GSDME: variants seen among roughly 807,000 people sequenced by gnomAD.
GSDME encodes gasdermin E.
Under a neutral mutation model 47.5 loss-of-function variants are expected in GSDME, and 44 were observed. That is an observed-to-expected ratio of 0.93 (90% confidence interval 0.73 to 1.19). GSDME has a LOEUF of 1.19. Among genes scored for constraint, GSDME ranks in the 50% most tolerant of loss-of-function variants. The pLI is 0.00. For synonymous variants in GSDME, 258 were observed against 252.8 expected (o/e 1.02, Z -0.20); for missense variants, 663 against 604.2 (o/e 1.10, Z -1.02).
rs186601351 is a variant in GSDME, at chr7:24,733,226, T to G, written c.404+11336A>C. On this transcript the variant is annotated intron_variant, in intron 3 of 9. Transcript: ENST00000645220. The surrounding 1 kb of genome is among the most constrained non-coding windows in gnomAD (Gnocchi z 4.3). ...GATGCAGTTGTGACAGGATTCTTGT[T>G]CTTCTGACTAAAGAGCCCTGGGCCC... 2.0e-5 allele frequency among the ~76,000 whole-genome samples: 3 copies of G among 152,188 alleles called. No individual in the cohort carries two copies. The highest frequency in any genetic ancestry group is 7.2e-5 in the African/African-American group (3 of 41,516).
At position 24,710,353 on chromosome 7, in the gene GSDME, C is replaced by G. The variant is rs778242350; in HGVS notation, c.733G>C (p.Glu245Gln). 1 of 1,614,230 alleles carries G rather than the reference C, an allele frequency of 6.2e-7. No individual in the cohort carries two copies. The highest frequency in any genetic ancestry group is 8.5e-7 in the Non-Finnish European group (1 of 1,180,048). The stretch of plus-strand genomic sequence containing the variant: ...ACAGAGTCAATTCTCTTCTTGTTCT[C>G]GAAGCCACCTTGCTTCCCTCGGAGA... ...CLLRGKQGGF[E>Q]NKKRIDSVYL... The change falls in exon 6 of 10, where the codon GAG becomes CAG. Residue 245 changes from glutamate (E) to glutamine (Q), a missense_variant. Physicochemically the swap from Glu to Gln is conservative, Grantham distance 29. Coordinates refer to ENST00000645220, the MANE Select transcript of GSDME (RefSeq NM_001127453.2).
At position 24,733,839 on chromosome 7, in the gene GSDME, G is replaced by T. The variant is rs756796162; in HGVS notation, c.404+10723C>A. 6.6e-6 allele frequency among the ~76,000 whole-genome samples: 1 copy of T among 152,148 alleles called. No individual in the cohort carries two copies. The highest frequency in any genetic ancestry group is 1.5e-5 in the Non-Finnish European group (1 of 68,020). On this transcript the variant is annotated intron_variant, in intron 3 of 9. Transcript: ENST00000645220. This position sits in a 1 kb window ranked among gnomAD's most constrained non-coding sequence, Gnocchi z 4.3. ...GGACAGCATCTCTGGACCCACCTGG[G>T]GCCCCAGGGAAATCACCTCATGTCT...
At chr7:24,704,597 A>T (rs1382593988) in intron 8 of GSDME, 1 of 152,218 alleles carries the variant, frequency 6.6e-6, no homozygotes, top group Admixed American at 6.5e-5. Flanking sequence ...TTGGTTGAAA[A>T]ATTTAGACAT....
At position 24,744,882 on chromosome 7, in the gene GSDME, G is replaced by A. The variant is rs1415320747; in HGVS notation, c.212-128C>T. ...AAGGCTGGCACTCAGATGGAAAGCC[G>A]GCAGCCATGCTGTGTGTGTGGGCAA... is the stretch of plus-strand genomic sequence containing the variant. On this transcript the variant is annotated intron_variant, in intron 2 of 9. Coordinates refer to ENST00000645220, the MANE Select transcript of GSDME (RefSeq NM_001127453.2). This position sits in a 1 kb window ranked among gnomAD's most constrained non-coding sequence, Gnocchi z 4.5. 1.3e-5 allele frequency: 13 copies of A among 976,740 alleles called. No homozygotes were observed. Among genetic ancestry groups the A allele is most frequent in the Admixed American group, 5.9e-5 (3 of 50,518 alleles). 60.5% of individuals were successfully genotyped at this position (976,740 alleles called of 1,614,324 possible).
chr7:24,743,859 C>G (rs368569316), intron 3 of GSDME, among the ~76,000 whole-genome samples: 1 of 152,188 alleles, frequency 6.6e-6, no homozygotes, highest in Non-Finnish European at 1.5e-5. Context: ...TCACTGCTGC[C>G]GATTCCCATC....
chr7:24,757,240 T>C lies in GSDME; in HGVS notation c.-20+156A>G, dbSNP rs1165566811. Among the ~76,000 whole-genome samples the C allele has an allele frequency of 6.6e-5, 10 of 151,744 alleles. No individual in the cohort carries two copies. The East Asian group carries it at 2.0e-3, about 30-fold the overall frequency. ...TTCCGGCGGCCGGGCAGCCAATCGA[T>C]TCGTCTCCCCTAGGAAGGAGCGAGG... On this transcript the variant is annotated intron_variant, in intron 1 of 9. Coordinates refer to ENST00000645220, the MANE Select transcript of GSDME (RefSeq NM_001127453.2). This position sits in a 1 kb window ranked among gnomAD's most constrained non-coding sequence, Gnocchi z 5.9.
chr7:24,754,609 T>C lies in GSDME; in HGVS notation c.-20+2787A>G, dbSNP rs1200107468. On this transcript the variant is annotated intron_variant, in intron 1 of 9. Coordinates refer to ENST00000645220, the MANE Select transcript of GSDME (RefSeq NM_001127453.2). The surrounding 1 kb of genome is among the most constrained non-coding windows in gnomAD (Gnocchi z 5.0). ...GGATATCCTAGCTTGAGTCAGACTC[T>C]TGGACAAGAGACCTTGTGGGGCAGA... Among the ~76,000 whole-genome samples the C allele has an allele frequency of 1.3e-5, 2 of 152,022 alleles. No homozygotes were observed. Among genetic ancestry groups the C allele is most frequent in the African/African-American group, 2.4e-5 (1 of 41,372 alleles).
chr7:24,778,783 G>C, the GSDME span, among the ~76,000 whole-genome samples: 3 of 152,236 alleles, frequency 2.0e-5, no homozygotes, highest in Non-Finnish European at 1.5e-5. This position sits in a 1 kb window ranked among gnomAD's most constrained non-coding sequence, Gnocchi z 5.6. Context: ...TTTCTAGTCA[G>C]AATCCAGTTA....
At chr7:24,719,805 GA>G (rs1036608337) in intron 3 of GSDME, among the ~76,000 whole-genome samples, 2 of 151,748 alleles carry the variant, frequency 1.3e-5, no homozygotes, top group African/African-American at 4.8e-5. Context: ...AAAAAAAAAG[GA>G]AAAGAAAAGA....
In GSDME at chr7:24,724,220, G is replaced by C. The variant is rs1256523742; in HGVS notation, c.405-5002C>G. Reference sequence around the variant, plus strand: ...TAAAAAAAGGCCTTCTGGACAGACTGTAAGCTCCTGGAGGACAAAGTACTT... The same window carrying C: ...TAAAAAAAGGCCTTCTGGACAGACTCTAAGCTCCTGGAGGACAAAGTACTT... On this transcript the variant is annotated intron_variant, in intron 3 of 9. Coordinates refer to ENST00000645220, the MANE Select transcript of GSDME (RefSeq NM_001127453.2). This position sits in a 1 kb window ranked among gnomAD's most constrained non-coding sequence, Gnocchi z 4.8. Among the ~76,000 whole-genome samples the C allele has an allele frequency of 6.6e-6, 1 of 151,838 alleles. No individual in the cohort carries two copies. The highest frequency in any genetic ancestry group is 2.1e-4 in the South Asian group (1 of 4,792).
the GSDME span, among the ~76,000 whole-genome samples, chr7:24,770,478 C>G: frequency 2.1e-3 from 327 of 152,194 alleles, 4 homozygotes; most frequent in African/African-American, 7.7e-3. This position sits in a 1 kb window ranked among gnomAD's most constrained non-coding sequence, Gnocchi z 4.6. Context: ...ATTTGCAGCC[C>G]GGTTACACAG....
chr7:24,758,569 A>G (rs373231645), upstream of GSDME, among the ~76,000 whole-genome samples: 1 of 152,190 alleles, frequency 6.6e-6, no homozygotes, highest in Admixed American at 6.5e-5. The surrounding 1 kb of genome is among the most constrained non-coding windows in gnomAD (Gnocchi z 4.6). Context: ...GAGCTCACAC[A>G]GTATGGAGTT....
At chr7:24,707,643 AT>A (rs893527468) in intron 7 of GSDME, 22 of 356,904 alleles carry the variant, frequency 6.2e-5, no homozygotes, top group Non-Finnish European at 1.2e-4. Flanking sequence ...TGGGCCCTAA[AT>A]CCAATGATGG....
intron 6 of GSDME, 22 bp from the exon 7 acceptor site, chr7:24,708,276 A>C (rs775164077): frequency 6.2e-7 from 1 of 1,613,782 alleles, no homozygotes. Context: ...AAGCACACCC[A>C]AGTCTCATGA....
At chr7:24,765,458 C>A in the GSDME span, among the ~76,000 whole-genome samples, 1 of 152,168 alleles carries the variant, frequency 6.6e-6, no homozygotes, top group African/African-American at 2.4e-5. Flanking sequence ...ACTGTAACCT[C>A]ACTGGATGTG....
the GSDME span, among the ~76,000 whole-genome samples, chr7:24,795,459 T>A: frequency 6.6e-6 from 1 of 152,162 alleles, no homozygotes. Context: ...GCTCCCCGAG[T>A]GAACAATTCC....
chr7:24,777,377 G>C, the GSDME span, among the ~76,000 whole-genome samples: 2 of 152,214 alleles, frequency 1.3e-5, no homozygotes, highest in Non-Finnish European at 2.9e-5. Flanking sequence ...AATGCAAGAA[G>C]AGGTGTAGGA....
Position 24,756,058 on chromosome 7 carries a change from C to A in GSDME, c.-20+1338G>T, listed in dbSNP as rs1298572537. The stretch of plus-strand genomic sequence containing the variant: ...CCTGAGCTCATTTTTAATGAGAAGA[C>A]AAATTAATATTTCATCATTTCTTTC... On this transcript the variant is annotated intron_variant, in intron 1 of 9. Coordinates refer to ENST00000645220, the MANE Select transcript of GSDME (RefSeq NM_001127453.2). The surrounding 1 kb of genome is among the most constrained non-coding windows in gnomAD (Gnocchi z 4.2). 6.6e-6 allele frequency among the ~76,000 whole-genome samples: 1 copy of A among 152,170 alleles called. No individual in the cohort carries two copies. Among genetic ancestry groups the A allele is most frequent in the Non-Finnish European group, 1.5e-5 (1 of 68,014 alleles).
chr7:24,746,022 C>A (rs1295386586), intron 2 of GSDME, among the ~76,000 whole-genome samples: 1 of 152,116 alleles, frequency 6.6e-6, no homozygotes, highest in Non-Finnish European at 1.5e-5. Flanking sequence ...AACCCACCGG[C>A]AGTCTGAAAG....
Sources: gnomAD v4.1 joint callset for allele counts (sites outside exome capture counted in the v4.1 genomes callset) on GRCh38, gnomAD v4.1.1 for gene constraint, Gnocchi (gnomAD v3.1) non-coding constraint, MANE v1.5 for transcripts, NCBI Gene and HGNC (gene_info 2026-07-23, HGNC 2026-07-21) for gene names.